INTS15: variants seen among roughly 807,000 people sequenced by gnomAD.
The protein encoded by INTS15 is integrator complex subunit 15.
the INTS15 span, chr7:6,594,409 A>T: frequency 6.2e-7 from 1 of 1,613,438 alleles, no homozygotes. Flanking sequence ...ATCTGTAGTT[A>T]AGTGGACTGT....
chr7:6,598,041 A>G, the INTS15 span, among the ~76,000 whole-genome samples: 1 of 152,234 alleles, frequency 6.6e-6, no homozygotes, highest in Non-Finnish European at 1.5e-5. Flanking sequence ...GCACACCTGC[A>G]CAAGTGTGCA....
the INTS15 span, among the ~76,000 whole-genome samples, chr7:6,601,296 T>C: frequency 2.6e-5 from 4 of 151,544 alleles, no homozygotes; most frequent in Non-Finnish European, 5.9e-5. Context: ...TTTATTTTTA[T>C]TCATTTATTT....
At chr7:6,597,954 T>C in the INTS15 span, among the ~76,000 whole-genome samples, 2 of 152,074 alleles carry the variant, frequency 1.3e-5, no homozygotes, top group African/African-American at 4.8e-5. Flanking sequence ...GCTGAGAACG[T>C]GGGACTCTAG....
At chr7:6,595,406 C>T in the INTS15 span, among the ~76,000 whole-genome samples, 1 of 152,170 alleles carries the variant, frequency 6.6e-6, no homozygotes, top group Non-Finnish European at 1.5e-5. Context: ...TCAAGCAGTC[C>T]TCCCACCTCG....
the INTS15 span, chr7:6,591,904 G>A: frequency 1.3e-6 from 2 of 1,585,478 alleles, no homozygotes; most frequent in Admixed American, 1.7e-5. Context: ...GGGTGCGGTG[G>A]CTCATGCCTG....
the INTS15 span, among the ~76,000 whole-genome samples, chr7:6,606,633 C>T: frequency 6.6e-6 from 1 of 150,930 alleles, no homozygotes; most frequent in Non-Finnish European, 1.5e-5. Context: ...ATGGGGGAAG[C>T]AAGGGGAAGG....
At chr7:6,591,086 C>T in the INTS15 span, among the ~76,000 whole-genome samples, 1 of 151,824 alleles carries the variant, frequency 6.6e-6, no homozygotes, top group Non-Finnish European at 1.5e-5. Flanking sequence ...ATTCTCTCTC[C>T]TTGGCCTCCA....
chr7:6,596,605 C>A, the INTS15 span, among the ~76,000 whole-genome samples: 14 of 151,576 alleles, frequency 9.2e-5, no homozygotes, highest in African/African-American at 3.2e-4. Context: ...TCTTGAACTC[C>A]TGACCTCAGA....
At chr7:6,602,563 G>C in the INTS15 span, 4 of 420,724 alleles carry the variant, frequency 9.5e-6, no homozygotes, top group Non-Finnish European at 1.0e-5. Flanking sequence ...GCGCGGCCCT[G>C]TCTGGGATTG....
the INTS15 span, chr7:6,599,962 C>T: frequency 6.2e-7 from 1 of 1,614,060 alleles, no homozygotes; most frequent in East Asian, 2.2e-5. Context: ...TAGAGCTCAC[C>T]CCGCTCGTTG....
the INTS15 span, chr7:6,602,577 G>A: frequency 4.6e-6 from 2 of 431,654 alleles, no homozygotes; most frequent in Non-Finnish European, 9.8e-6. Flanking sequence ...GGGATTGGCT[G>A]TGACACTTGG....
At chr7:6,604,675 C>T in the INTS15 span, among the ~76,000 whole-genome samples, 1 of 152,158 alleles carries the variant, frequency 6.6e-6, no homozygotes, top group African/African-American at 2.4e-5. Context: ...GGGCAGCGCT[C>T]GCAGGCTGAG....
chr7:6,607,432 C>A, the INTS15 span: 2 of 664,922 alleles, frequency 3.0e-6, no homozygotes, highest in Non-Finnish European at 4.1e-6. The surrounding 1 kb of genome is among the most constrained non-coding windows in gnomAD (Gnocchi z 6.0). Context: ...GCTGAGGCTG[C>A]GCGGGGCGGG....
chr7:6,595,638 G>A, the INTS15 span, among the ~76,000 whole-genome samples: 11 of 152,106 alleles, frequency 7.2e-5, no homozygotes, highest in African/African-American at 2.7e-4. Flanking sequence ...CCACTCCCTG[G>A]ACATATGACT....
chr7:6,607,749 C>G, the INTS15 span: 1 of 1,495,458 alleles, frequency 6.7e-7, no homozygotes, highest in Non-Finnish European at 8.9e-7. The surrounding 1 kb of genome is among the most constrained non-coding windows in gnomAD (Gnocchi z 6.0). Flanking sequence ...GGGCCACAGG[C>G]CCCGTGCAGA....
chr7:6,591,580 A>T, the INTS15 span: 2 of 1,416,842 alleles, frequency 1.4e-6, no homozygotes, highest in South Asian at 1.2e-5. Flanking sequence ...CTGTTTTCTT[A>T]ATGTATGAGT....
At chr7:6,608,190 C>G in the INTS15 span, 2 of 1,540,330 alleles carry the variant, frequency 1.3e-6, no homozygotes, top group Non-Finnish European at 1.7e-6. Flanking sequence ...TCTGCGCTCT[C>G]GCTGGACGAA....
the INTS15 span, among the ~76,000 whole-genome samples, chr7:6,599,545 G>C: frequency 6.6e-6 from 1 of 152,204 alleles, no homozygotes; most frequent in Admixed American, 6.6e-5. Context: ...TTTCTCCAAA[G>C]CATGTTGGAG....
chr7:6,602,653 C>T, the INTS15 span: 2 of 470,818 alleles, frequency 4.2e-6, no homozygotes, highest in African/African-American at 4.0e-5. Context: ...ATACTGTTCC[C>T]TGACTCACAG....
Sources: allele counts gnomAD v4.1 joint callset (sites outside exome capture counted in the v4.1 genomes callset), GRCh38; gene constraint gnomAD v4.1.1; non-coding constraint Gnocchi (gnomAD v3.1); transcripts MANE v1.5; gene names NCBI Gene and HGNC (gene_info 2026-07-23, HGNC 2026-07-21).